Variants in CAMK2A observed in about 807,000 individuals in gnomAD.
CAMK2A encodes calcium/calmodulin-dependent protein kinase type II subunit alpha.
In CAMK2A, 7 loss-of-function variants were observed where a neutral mutation model predicts 79.2. That is an observed-to-expected ratio of 0.09 (90% CI 0.05 to 0.17). CAMK2A has a LOEUF of 0.17. Among genes scored for constraint, CAMK2A ranks in the 10% least tolerant of loss-of-function variants. The pLI, the probability that CAMK2A is intolerant of heterozygous loss-of-function variation, is 1.00. For missense variants in CAMK2A, 214 were observed against 646.4 expected, an observed-to-expected ratio of 0.33 and a Z score of 7.25; for synonymous variants, 242 against 251.7, an observed-to-expected ratio of 0.96 and a Z score of 0.36.
In CAMK2A at chr5:150,256,659, G is replaced by C. The variant is rs1316394308; in HGVS notation, c.339-14C>G. 4 of 1,613,406 alleles carry C rather than the reference G, an allele frequency of 2.5e-6. No homozygotes were observed. The African/African-American group carries it at 5.3e-5, about 22-fold the overall frequency. Reference sequence around the variant, plus strand: ...TGGATACAGTGACTAGGGAGAGAGAGAGGAAGGGGTCATGGTGGTGTGAGC... The same window carrying C: ...TGGATACAGTGACTAGGGAGAGAGACAGGAAGGGGTCATGGTGGTGTGAGC... On this transcript the variant is annotated splice_polypyrimidine_tract_variant and intron_variant, in intron 5 of 18. Transcript: ENST00000671881. The surrounding 1 kb of genome is among the most constrained non-coding windows in gnomAD (Gnocchi z 4.6).
Position 150,222,208 on chromosome 5 carries a change from T to C in CAMK2A, c.*502A>G, listed in dbSNP as rs749177493. 192 of 436,466 alleles carry C rather than the reference T, an allele frequency of 4.4e-4. 1 individual carries two copies. The highest frequency in any genetic ancestry group is 4.5e-4 in the Admixed American group (13 of 29,198). The allele number at this position is 436,466 out of a possible 1,614,324, so 27.0% of individuals were successfully genotyped here. A position where few individuals can be genotyped will look rare whatever the true frequency, so the allele number is the denominator to read the frequency against. On this transcript the variant is annotated 3_prime_UTR_variant, in exon 19 of 19. Coordinates refer to ENST00000671881, the MANE Select transcript of CAMK2A (RefSeq NM_015981.4). ...TTTGAGGCAGGAGGCTCCTGGCGTATGCTCTTCTCCCCACTCCTTCAGTGC... is the reference window on the plus strand; with the variant it reads ...TTTGAGGCAGGAGGCTCCTGGCGTACGCTCTTCTCCCCACTCCTTCAGTGC...
intron 11 of CAMK2A, among the ~76,000 whole-genome samples, chr5:150,248,399 A>G (rs1580919449): frequency 1.3e-5 from 2 of 151,286 alleles, no homozygotes; most frequent in South Asian, 4.2e-4. Context: ...GGTTTGTTAC[A>G]TATGTATACA....
At chr5:150,234,701 G>A (rs1356221687) in intron 15 of CAMK2A, among the ~76,000 whole-genome samples, 2 of 152,188 alleles carry the variant, frequency 1.3e-5, no homozygotes, top group Admixed American at 1.3e-4. Flanking sequence ...GGACATCCTG[G>A]AGTCTCTAGT....
At chr5:150,235,514 T>C (rs568301870) in intron 15 of CAMK2A, among the ~76,000 whole-genome samples, 1 of 152,298 alleles carries the variant, frequency 6.6e-6, no homozygotes, top group Admixed American at 6.5e-5. Context: ...TGAAACGGGA[T>C]CAGCATTCCT....
chr5:150,257,454 G>A (rs1471764716), intron 4 of CAMK2A, 109 bp downstream of exon 4: 1 of 962,348 alleles, frequency 1.0e-6, no homozygotes. Flanking sequence ...CCACATTTGG[G>A]GAAACTCTGG....
chr5:150,259,404 C>G (rs1198073238), intron 3 of CAMK2A, among the ~76,000 whole-genome samples: 2 of 151,824 alleles, frequency 1.3e-5, no homozygotes, highest in Non-Finnish European at 2.9e-5. Context: ...CATTTGTCGT[C>G]CCAGCTATTT....
intron 3 of CAMK2A, among the ~76,000 whole-genome samples, chr5:150,263,713 C>T (rs1460310396): frequency 6.6e-6 from 1 of 152,216 alleles, no homozygotes; most frequent in African/African-American, 2.4e-5. Context: ...TGGTAGCCTC[C>T]GTAAGGACCA....
chr5:150,224,603 C>G (rs186577893), intron 17 of CAMK2A, among the ~76,000 whole-genome samples: 11 of 152,086 alleles, frequency 7.2e-5, no homozygotes, highest in African/African-American at 2.7e-4. Context: ...CATAGAATAA[C>G]AGACTTTGAA....
chr5:150,288,599 C>T (rs1757531496), intron 1 of CAMK2A, among the ~76,000 whole-genome samples: 1 of 152,170 alleles, frequency 6.6e-6, no homozygotes, highest in Admixed American at 6.5e-5. Context: ...GCCTCCAGGG[C>T]CCCTCCCCCC....
chr5:150,281,593 T>A (rs751214504), intron 1 of CAMK2A, among the ~76,000 whole-genome samples: 3 of 152,214 alleles, frequency 2.0e-5, no homozygotes, highest in Non-Finnish European at 4.4e-5. Context: ...TTCATAGTCA[T>A]TGCTTTTTCC....
rs1168830660 is a variant in CAMK2A, at chr5:150,284,250, A to C, written c.62+5314T>G. 6.6e-6 allele frequency among the ~76,000 whole-genome samples: 1 copy of C among 152,192 alleles called. No individual in the cohort carries two copies. Among genetic ancestry groups the C allele is most frequent in the Non-Finnish European group, 1.5e-5 (1 of 68,044 alleles). On this transcript the variant is annotated intron_variant, in intron 1 of 18. Transcript: ENST00000671881. The surrounding 1 kb of genome is among the most constrained non-coding windows in gnomAD (Gnocchi z 5.3). ...GCTAGCACCATCTTGCTATCCCTGC[A>C]CTGGGAGATGGACTCGTGCTCTATG...
At chr5:150,250,543 T>A in intron 10 of CAMK2A, 145 bp downstream of exon 10, 1 of 1,172,554 alleles carries the variant, frequency 8.5e-7, no homozygotes, top group Non-Finnish European at 1.2e-6. Context: ...GTTTCCACAT[T>A]ACCCCTGAGA....
Position 150,223,244 on chromosome 5 carries a change from G to A in CAMK2A, c.1238-27C>T, listed in dbSNP as rs1288542106. On this transcript the variant is annotated intron_variant, in intron 17 of 18. Transcript: ENST00000671881. This position sits in a 1 kb window ranked among gnomAD's most constrained non-coding sequence, Gnocchi z 4.1. Reference sequence around the variant, plus strand: ...TGGAGGAGGGGATGGGAGGGGCAGAGGAGATGCAACCGGGGGCCTCCTGTC... The same window carrying A: ...TGGAGGAGGGGATGGGAGGGGCAGAAGAGATGCAACCGGGGGCCTCCTGTC... 3.8e-6 allele frequency: 6 copies of A among 1,586,830 alleles called. No individual in the cohort carries two copies. The highest frequency in any genetic ancestry group is 1.3e-5 in the African/African-American group (1 of 74,540).
Position 150,284,680 on chromosome 5 carries a change from TC to T in CAMK2A, c.62+4883del, listed in dbSNP as rs1436010914. ...TGTTCCTGCCACCCTTTCCTTGAGG[TC>T]CTGCCCCTCAATTTCCCATCCTTTG... On this transcript the variant is annotated intron_variant, in intron 1 of 18. Transcript: ENST00000671881. The surrounding 1 kb of genome is among the most constrained non-coding windows in gnomAD (Gnocchi z 5.3). Among the ~76,000 whole-genome samples, 1 of 152,092 alleles carries T rather than the reference TC, an allele frequency of 6.6e-6. No homozygotes were observed. The highest frequency in any genetic ancestry group is 1.5e-5 in the Non-Finnish European group (1 of 68,014).
At chr5:150,233,809 G>T (rs917760485) in intron 15 of CAMK2A, among the ~76,000 whole-genome samples, 12 of 151,954 alleles carry the variant, frequency 7.9e-5, no homozygotes, top group African/African-American at 2.7e-4. Context: ...TTGTTTGTTT[G>T]TTTTTTGTTT....
Position 150,222,401 on chromosome 5 carries a change from C to A in CAMK2A, c.*309G>T. On this transcript the variant is annotated 3_prime_UTR_variant, in exon 19 of 19. Transcript: ENST00000671881. ...GGGCATTCTAGCCTACAGCCCAAGA[C>A]AGATCAGGCGGACAGCAGCTGAGGC... is the stretch of plus-strand genomic sequence containing the variant. 1 of 667,320 alleles carries A rather than the reference C, an allele frequency of 1.5e-6. No individual in the cohort carries two copies. Among genetic ancestry groups the A allele is most frequent in the Non-Finnish European group, 2.7e-6 (1 of 367,102 alleles). 41.3% of individuals were successfully genotyped at this position (667,320 alleles called of 1,614,324 possible).
At chr5:150,243,510 A>G (rs1359541090) in intron 13 of CAMK2A, among the ~76,000 whole-genome samples, 2 of 152,144 alleles carry the variant, frequency 1.3e-5, no homozygotes, top group Non-Finnish European at 2.9e-5. Flanking sequence ...CCAAAATTCA[A>G]TGCCCGATTC....
intron 15 of CAMK2A, among the ~76,000 whole-genome samples, chr5:150,236,986 C>A (rs1365280324): frequency 6.6e-6 from 1 of 152,146 alleles, no homozygotes; most frequent in African/African-American, 2.4e-5. Context: ...AACTCCTGGC[C>A]TCAAGCGATC....
intron 8 of CAMK2A, 32 bp downstream of exon 8, chr5:150,251,950 A>G (rs1395314656): frequency 1.3e-6 from 2 of 1,599,464 alleles, no homozygotes; most frequent in Non-Finnish European, 1.7e-6. Context: ...GGGTGCAGCC[A>G]GGGGCACAAA....
Sources: gnomAD v4.1 joint callset for allele counts (sites outside exome capture counted in the v4.1 genomes callset) on GRCh38, gnomAD v4.1.1 for gene constraint, Gnocchi (gnomAD v3.1) non-coding constraint, MANE v1.5 for transcripts, NCBI Gene and HGNC (gene_info 2026-07-23, HGNC 2026-07-21) for gene names.